The following TMEM114 variants were observed in gnomAD, a reference collection of about 807,000 sequenced individuals.
The protein encoded by TMEM114 is transmembrane protein 114.
In TMEM114, 6 loss-of-function variants were observed where a neutral mutation model predicts 6.2. The observed-to-expected ratio is 0.97, with a 90% CI of 0.53 to 1.91. TMEM114 has a LOEUF of 1.91. TMEM114 is among the 40% of genes most tolerant of loss of function. The pLI is 0.01. For synonymous variants in TMEM114, 104 were observed against 73.0 expected, an observed-to-expected ratio of 1.42 and a Z score of -2.16; for missense variants, 218 against 158.3, an observed-to-expected ratio of 1.38 and a Z score of -2.02.
chr16:8,538,586 C>A (rs1900428916), intron 2 of TMEM114, among the ~76,000 whole-genome samples: 1 of 152,068 alleles, frequency 6.6e-6, no homozygotes, highest in African/African-American at 2.4e-5. Context: ...CAGCTCACTG[C>A]AAACTCCACA....
rs1902255176 is a variant in TMEM114 at position 8,584,578 on chromosome 16, G to A, written c.301+4635C>T. On this transcript the variant is annotated intron_variant, in intron 2 of 3. Transcript: ENST00000620492. ...GTCTGCTCAACTCCACTCTCCCAAG[G>A]TAGCTAAGCAGAATTAAGGAGGTGT... is the stretch of plus-strand genomic sequence containing the variant. Among the ~76,000 whole-genome samples, 3 of 152,112 alleles carry A rather than the reference G, an allele frequency of 2.0e-5. No homozygotes were observed. In the South Asian group the frequency reaches 6.2e-4, roughly 32 times the overall value.
the TMEM114 span, among the ~76,000 whole-genome samples, chr16:8,527,762 G>C: frequency 6.6e-6 from 1 of 152,142 alleles, no homozygotes; most frequent in Non-Finnish European, 1.5e-5. Flanking sequence ...CTACTAAAGA[G>C]GATCCGATTC....
chr16:8,540,590 G>A (rs1469335057), intron 2 of TMEM114, among the ~76,000 whole-genome samples: 2 of 138,352 alleles, frequency 1.4e-5, no homozygotes, highest in Non-Finnish European at 3.1e-5. Context: ...GGAGACTTGG[G>A]AGTTGATAAG....
chr16:8,569,673 G>C lies in TMEM114; in HGVS notation c.*100C>G. The C allele has an allele frequency of 6.9e-7, 1 of 1,447,254 alleles. No individual in the cohort carries two copies. Among genetic ancestry groups the C allele is most frequent in the Non-Finnish European group, 9.1e-7 (1 of 1,102,932 alleles). The allele number at this position is 1,447,254 out of a possible 1,614,324, so 89.7% of individuals were successfully genotyped here. A position where few individuals can be genotyped will look rare whatever the true frequency, so the allele number is the denominator to read the frequency against. On this transcript the variant is annotated 3_prime_UTR_variant, in exon 4 of 4. Coordinates refer to ENST00000620492, the MANE Select transcript of TMEM114 (RefSeq NM_001146336.2). Reference sequence around the variant, plus strand: ...AAGGAGGGGGGTGCCTGGCCTCCCCGAGTGGCCTTTGAGGAAGAAGAGGCC... The same window carrying C: ...AAGGAGGGGGGTGCCTGGCCTCCCCCAGTGGCCTTTGAGGAAGAAGAGGCC...
In TMEM114 at chr16:8,578,140, TG is replaced by T. The variant is rs199983970; in HGVS notation, c.302-5917del. Among the ~76,000 whole-genome samples, 411 of 151,980 alleles carry T rather than the reference TG, an allele frequency of 2.7e-3. 1 individual carries two copies. Among genetic ancestry groups the T allele is most frequent in the African/African-American group, 9.3e-3 (386 of 41,448 alleles). On this transcript the variant is annotated intron_variant, in intron 2 of 3. Coordinates refer to ENST00000620492, the MANE Select transcript of TMEM114 (RefSeq NM_001146336.2). ...CAGAAAAATAGGTGGGCAGTGGCGG[TG>T]GGGGGGCCTTGTTCTTAGATCAGGT...
chr16:8,558,135 C>T (rs1421177216), intron 2 of TMEM114, among the ~76,000 whole-genome samples: 2 of 152,164 alleles, frequency 1.3e-5, no homozygotes, highest in African/African-American at 4.8e-5. Flanking sequence ...TGCTTGTAAT[C>T]CCAGCTACTA....
At chr16:8,530,044 A>T in the TMEM114 span, among the ~76,000 whole-genome samples, 1 of 152,348 alleles carries the variant, frequency 6.6e-6, no homozygotes, top group East Asian at 1.9e-4. Flanking sequence ...ACTCCATACC[A>T]ATTCTATTTC....
intron 2 of TMEM114, among the ~76,000 whole-genome samples, chr16:8,538,695 A>G (rs796687231): frequency 2.0e-5 from 3 of 151,948 alleles, no homozygotes; most frequent in African/African-American, 4.8e-5. Flanking sequence ...TTTAGTAGAG[A>G]TGGGGTTTCA....
chr16:8,555,145 G>A (rs1006263029), intron 2 of TMEM114, among the ~76,000 whole-genome samples: 3 of 152,136 alleles, frequency 2.0e-5, no homozygotes, highest in Non-Finnish European at 4.4e-5. Flanking sequence ...CACATTTCCT[G>A]AGCTCTTCTC....
intron 2 of TMEM114, among the ~76,000 whole-genome samples, chr16:8,580,420 G>A (rs1596313170): frequency 6.6e-6 from 1 of 151,552 alleles, no homozygotes; most frequent in Non-Finnish European, 1.5e-5. Flanking sequence ...CTGGGAGGCG[G>A]AGGCTGCAGT....
chr16:8,564,545 G>A (rs1209733953), downstream of TMEM114, among the ~76,000 whole-genome samples: 1 of 110,850 alleles, frequency 9.0e-6, no homozygotes, highest in East Asian at 3.3e-4. Context: ...GAGTGAATGA[G>A]TCAGGGAATG....
downstream of TMEM114, among the ~76,000 whole-genome samples, chr16:8,567,820 T>C (rs1234794875): frequency 1.3e-5 from 2 of 152,166 alleles, no homozygotes; most frequent in Non-Finnish European, 2.9e-5. Flanking sequence ...GACCAGCAGG[T>C]GGAAGCAGAG....
chr16:8,537,525 A>C (rs1335719538), downstream of TMEM114: 1 of 152,212 alleles, frequency 6.6e-6, no homozygotes, highest in African/African-American at 2.4e-5. Flanking sequence ...AAACAAAAAA[A>C]CAAATATATA....
chr16:8,541,460 A>T (rs905455824), intron 2 of TMEM114, among the ~76,000 whole-genome samples: 1 of 152,218 alleles, frequency 6.6e-6, no homozygotes, highest in African/African-American at 2.4e-5. Context: ...ATATCTACTA[A>T]GAGATCAGAG....
chr16:8,531,974 T>C, the TMEM114 span: 2 of 152,226 alleles, frequency 1.3e-5, no homozygotes, highest in Non-Finnish European at 1.5e-5. Flanking sequence ...CAGCTCTAGC[T>C]GTTTTTGTTT....
intron 2 of TMEM114, among the ~76,000 whole-genome samples, chr16:8,559,624 G>T (rs959514005): frequency 2.6e-5 from 4 of 152,202 alleles, no homozygotes; most frequent in Admixed American, 2.6e-4. Context: ...TCTCTTGTGG[G>T]CTCTGAGTAC....
chr16:8,571,235 G>A (rs1487638260), intron 3 of TMEM114, among the ~76,000 whole-genome samples: 1 of 151,950 alleles, frequency 6.6e-6, no homozygotes, highest in Non-Finnish European at 1.5e-5. Context: ...ACCAACCAGT[G>A]GTGTTAACCT....
At chr16:8,578,289 G>A (rs1902010707) in intron 2 of TMEM114, among the ~76,000 whole-genome samples, 2 of 152,074 alleles carry the variant, frequency 1.3e-5, no homozygotes, top group Admixed American at 1.3e-4. Flanking sequence ...ATATCAATGG[G>A]ACTGTGTTCC....
rs1453056115 is a variant in TMEM114, at chr16:8,569,576, A to G, written c.*197T>C. ...GGGCTCCTCCAGGCCACACGGACAC[A>G]CACGGACATAAGCACACAGGTACTA... On this transcript the variant is annotated 3_prime_UTR_variant, in exon 4 of 4. Coordinates refer to ENST00000620492, the MANE Select transcript of TMEM114 (RefSeq NM_001146336.2). The G allele has an allele frequency of 4.2e-6, 6 of 1,425,430 alleles. No individual in the cohort carries two copies. The Admixed American group carries it at 1.4e-4, about 34-fold the overall frequency. 88.3% of individuals were successfully genotyped at this position (1,425,430 alleles called of 1,614,324 possible). A position where few individuals can be genotyped will look rare whatever the true frequency, so the allele number is the denominator to read the frequency against.
Sources: gnomAD v4.1 joint callset for allele counts (sites outside exome capture counted in the v4.1 genomes callset) on GRCh38, gnomAD v4.1.1 for gene constraint, MANE v1.5 for transcripts, NCBI Gene and HGNC (gene_info 2026-07-23, HGNC 2026-07-21) for gene names.